Variants in DEUP1 observed in about 807,000 individuals in gnomAD.
DEUP1 encodes the protein coiled-coil domain containing 67.
In DEUP1, 82 loss-of-function variants were observed where a neutral mutation model predicts 87.4. The ratio of observed to expected loss-of-function variants is 0.94; its 90% CI spans 0.78 to 1.13. The LOEUF is 1.13. Ranked by LOEUF, DEUP1 falls within the 50% of genes most tolerant of loss-of-function variation. The probability of loss-of-function intolerance (pLI) is 0.00; values close to 1 mark genes in which losing one functional copy is unlikely to be tolerated. For missense variants in DEUP1, 663 were observed against 681.5 expected, an observed-to-expected ratio of 0.97 and a Z score of 0.30; for synonymous variants, 214 against 222.7, an observed-to-expected ratio of 0.96 and a Z score of 0.35.
intron 8 of DEUP1, among the ~76,000 whole-genome samples, chr11:93,386,340 T>C (rs959577521): frequency 9.9e-5 from 15 of 152,150 alleles, no homozygotes; most frequent in Non-Finnish European, 1.9e-4. Flanking sequence ...GTATATTCCA[T>C]AAACACAAAC....
chr11:93,357,140 A>G (rs1944935260), intron 4 of DEUP1, 97 bp downstream of exon 4: 1 of 710,048 alleles, frequency 1.4e-6, no homozygotes. Context: ...AGTATAAACA[A>G]ATGTCTTGTA....
intron 1 of DEUP1, among the ~76,000 whole-genome samples, chr11:93,331,094 A>G (rs1303969589): frequency 6.6e-6 from 1 of 152,246 alleles, no homozygotes; most frequent in Non-Finnish European, 1.5e-5. Flanking sequence ...TTGAGAATCT[A>G]CAAAACCATT....
intron 13 of DEUP1, among the ~76,000 whole-genome samples, chr11:93,435,210 A>G (rs1948208775): frequency 6.6e-6 from 1 of 152,186 alleles, no homozygotes; most frequent in Non-Finnish European, 1.5e-5. Flanking sequence ...ATTGCAGTCA[A>G]GTTGCCACCA....
chr11:93,399,906 T>C (rs1947064347), intron 11 of DEUP1, among the ~76,000 whole-genome samples: 1 of 152,092 alleles, frequency 6.6e-6, no homozygotes, highest in Non-Finnish European at 1.5e-5. Context: ...TAGTTTTTGA[T>C]TTTAAATGAT....
chr11:93,354,794 C>A (rs935820024), intron 2 of DEUP1, among the ~76,000 whole-genome samples: 1 of 152,206 alleles, frequency 6.6e-6, no homozygotes, highest in Non-Finnish European at 1.5e-5. Flanking sequence ...CCTCCCATAA[C>A]ATGTGGGAAT....
At chr11:93,395,227 G>A (rs1385408359) in intron 10 of DEUP1, among the ~76,000 whole-genome samples, 1 of 151,952 alleles carries the variant, frequency 6.6e-6, no homozygotes, top group East Asian at 1.9e-4. Flanking sequence ...TTTCCTTCCT[G>A]CCTATTTATT....
rs562091279 is a variant in DEUP1 at position 93,373,858 on chromosome 11, A to T, written c.789+2578A>T. On this transcript the variant is annotated intron_variant, in intron 7 of 13. Transcript: ENST00000298050. ...AGATCTACCTTGAGTTCTTTAAGGA[A>T]TCTCCACATTGTTTTCCTTAGTGGT... 4.6e-5 allele frequency among the ~76,000 whole-genome samples: 7 copies of T among 152,092 alleles called. No homozygotes were observed. The South Asian group carries it at 1.5e-3, about 32-fold the overall frequency.
chr11:93,372,875 A>T (rs936238114), intron 7 of DEUP1, among the ~76,000 whole-genome samples: 1 of 152,204 alleles, frequency 6.6e-6, no homozygotes, highest in Non-Finnish European at 1.5e-5. Flanking sequence ...GCACTCATTC[A>T]TCTGCTCTAG....
At chr11:93,416,216 C>T (rs1318189481) in intron 13 of DEUP1, among the ~76,000 whole-genome samples, 1 of 152,142 alleles carries the variant, frequency 6.6e-6, no homozygotes, top group Non-Finnish European at 1.5e-5. Context: ...ACACAAAAAA[C>T]TCTTCAAAAA....
chr11:93,369,205 A>G (rs902731066), intron 5 of DEUP1, among the ~76,000 whole-genome samples: 9 of 152,152 alleles, frequency 5.9e-5, no homozygotes, highest in African/African-American at 2.2e-4. Context: ...CACTCATCCC[A>G]TTCATGAGAG....
chr11:93,393,836 G>C (rs1439118077), intron 9 of DEUP1, among the ~76,000 whole-genome samples: 2 of 152,204 alleles, frequency 1.3e-5, no homozygotes, highest in African/African-American at 4.8e-5. Context: ...GCCTGACCAG[G>C]TTTGGGAGGA....
chr11:93,428,676 T>C (rs183346305), intron 13 of DEUP1, among the ~76,000 whole-genome samples: 147 of 152,312 alleles, frequency 9.7e-4, no homozygotes, highest in Admixed American at 1.8e-3. Context: ...AAAGTGTACT[T>C]ACAGACAGCC....
chr11:93,426,994 T>TAA (rs1157644297), intron 13 of DEUP1, among the ~76,000 whole-genome samples: 5 of 2,912 alleles, frequency 1.7e-3, no homozygotes, highest in Non-Finnish European at 2.2e-3. Context: ...TAGAGTATAA[T>TAA]AAAAAAAAAA....
At chr11:93,387,380 A>C (rs187948203) in intron 8 of DEUP1, among the ~76,000 whole-genome samples, 2 of 152,154 alleles carry the variant, frequency 1.3e-5, no homozygotes, top group African/African-American at 4.8e-5. Flanking sequence ...TAAAAGTAGC[A>C]TGGTAATGTT....
chr11:93,332,708 G>A (rs139421412), intron 2 of DEUP1, among the ~76,000 whole-genome samples: 17 of 152,214 alleles, frequency 1.1e-4, no homozygotes, highest in African/African-American at 3.1e-4. Context: ...ATGCAACTCC[G>A]TAAAAACATC....
chr11:93,341,905 T>C (rs2134165871), intron 2 of DEUP1, among the ~76,000 whole-genome samples: 1 of 152,228 alleles, frequency 6.6e-6, no homozygotes, highest in Non-Finnish European at 1.5e-5. Context: ...GGAGAATCTT[T>C]TCCTTGTCTC....
intron 7 of DEUP1, among the ~76,000 whole-genome samples, chr11:93,373,271 G>A (rs181296098): frequency 1.3e-5 from 2 of 151,994 alleles, no homozygotes; most frequent in East Asian, 3.9e-4. Flanking sequence ...GTTCTTTACT[G>A]GTGATTTCTG....
At position 93,361,397 on chromosome 11, in the gene DEUP1, C is replaced by G. The variant is rs186979441; in HGVS notation, c.298-2763C>G. On this transcript the variant is annotated intron_variant, in intron 4 of 13. Transcript: ENST00000298050. ...GGGAAATGCAATAGACTTTCCTTAT[C>G]CTCTTGTATTTTCTAAATTTTTTGA... Among the ~76,000 whole-genome samples the G allele has an allele frequency of 2.8e-4, 43 of 152,130 alleles. 1 individual carries two copies. Among genetic ancestry groups the G allele is most frequent in the Admixed American group, 2.7e-3 (41 of 15,262 alleles).
At position 93,414,439 on chromosome 11, in the gene DEUP1, G is replaced by A. The variant is rs147609589; in HGVS notation, c.1524-561G>A. Among the ~76,000 whole-genome samples, 315 of 152,152 alleles carry A rather than the reference G, an allele frequency of 2.1e-3. 1 individual carries two copies. Among genetic ancestry groups the A allele is most frequent in the African/African-American group, 7.3e-3 (303 of 41,538 alleles). ...GGAGAGTCTCTTGAACCTGGGAGGCGGAGGTTGCAGTGAGCTGCGATCGCG... is the reference window on the plus strand; with the variant it reads ...GGAGAGTCTCTTGAACCTGGGAGGCAGAGGTTGCAGTGAGCTGCGATCGCG... On this transcript the variant is annotated intron_variant, in intron 12 of 13. Transcript: ENST00000298050.
Sources: gnomAD v4.1 joint callset for allele counts (sites outside exome capture counted in the v4.1 genomes callset) on GRCh38, gnomAD v4.1.1 for gene constraint, MANE v1.5 for transcripts, NCBI Gene and HGNC (gene_info 2026-07-23, HGNC 2026-07-21) for gene names.